EFNA5: variants seen among roughly 807,000 people sequenced by gnomAD.
EFNA5 encodes ephrin-A5.
EFNA5 carries 5 observed loss-of-function variants against 22.9 expected under a neutral mutation model. The observed-to-expected ratio is 0.22, with a 90% CI of 0.11 to 0.46. The LOEUF is 0.46. EFNA5 is among the 20% of genes least tolerant of loss of function. The pLI is 0.99. For missense variants in EFNA5, 237 were observed against 293.3 expected, an observed-to-expected ratio of 0.81 and a Z score of 1.40; for synonymous variants, 113 against 112.2, an observed-to-expected ratio of 1.01 and a Z score of -0.04.
rs547768574 is a variant in EFNA5 at position 107,669,771 on chromosome 5, A to G, written c.125+718T>C. ...GGCCAACTCTGGCAGCTTGTTCTGC[A>G]CACATGACGTAACCCGGCATTAGAT... On this transcript the variant is annotated intron_variant, in intron 1 of 4. Transcript: ENST00000333274. 5.3e-5 allele frequency among the ~76,000 whole-genome samples: 8 copies of G among 152,174 alleles called. No individual in the cohort carries two copies. The South Asian group carries it at 1.7e-3, about 32-fold the overall frequency.
chr5:107,515,262 C>G (rs1747452420), intron 1 of EFNA5, among the ~76,000 whole-genome samples: 1 of 150,734 alleles, frequency 6.6e-6, no homozygotes, highest in African/African-American at 2.4e-5. Context: ...GGTCTCAACT[C>G]CTGACGTCAA....
intron 1 of EFNA5, among the ~76,000 whole-genome samples, chr5:107,475,929 G>T (rs1750272754): frequency 6.7e-6 from 1 of 150,028 alleles, no homozygotes; most frequent in African/African-American, 2.5e-5. Context: ...TTTTACAAGA[G>T]TGAATTTCAA....
intron 1 of EFNA5, among the ~76,000 whole-genome samples, chr5:107,441,263 G>C (rs1749250311): frequency 6.6e-6 from 1 of 152,066 alleles, no homozygotes; most frequent in Non-Finnish European, 1.5e-5. Context: ...CTATAAACGT[G>C]ATTAGGGAAA....
chr5:107,455,137 T>A (rs1364682667), intron 1 of EFNA5, among the ~76,000 whole-genome samples: 1 of 152,168 alleles, frequency 6.6e-6, no homozygotes, highest in Non-Finnish European at 1.5e-5. Context: ...GCCTTACACA[T>A]CTGGTCCCTG....
At chr5:107,511,086 G>A (rs2112434087) in intron 1 of EFNA5, among the ~76,000 whole-genome samples, 1 of 149,176 alleles carries the variant, frequency 6.7e-6, no homozygotes, top group African/African-American at 2.5e-5. Flanking sequence ...GAGTGCAATG[G>A]CACGATCTTG....
At chr5:107,542,434 G>A (rs1387644150) in intron 1 of EFNA5, among the ~76,000 whole-genome samples, 2 of 152,072 alleles carry the variant, frequency 1.3e-5, no homozygotes, top group Admixed American at 6.6e-5. Flanking sequence ...TTCAGGGTCT[G>A]TTCTTTGAAA....
chr5:107,485,374 G>A (rs1746587658), intron 1 of EFNA5, among the ~76,000 whole-genome samples: 1 of 152,202 alleles, frequency 6.6e-6, no homozygotes, highest in Non-Finnish European at 1.5e-5. Context: ...TCAGGCAGAA[G>A]TGGAAGCCAG....
intron 1 of EFNA5, among the ~76,000 whole-genome samples, chr5:107,456,172 G>C (rs1422325696): frequency 6.6e-6 from 1 of 152,080 alleles, no homozygotes; most frequent in Non-Finnish European, 1.5e-5. Context: ...TGGGGTGGTG[G>C]CTTAGCTCCT....
rs541060089 is a variant in EFNA5 at position 107,569,880 on chromosome 5, T to A, written c.125+100609A>T. Among the ~76,000 whole-genome samples the A allele has an allele frequency of 4.8e-5, 7 of 145,948 alleles. No homozygotes were observed. In the East Asian group the frequency reaches 1.4e-3, roughly 29 times the overall value. ...AAACAAACAACACAAGAGGAAATGATCTTCTACAAAAGGACAGTGAACTAT... is the reference window on the plus strand; with the variant it reads ...AAACAAACAACACAAGAGGAAATGAACTTCTACAAAAGGACAGTGAACTAT... On this transcript the variant is annotated intron_variant, in intron 1 of 4. Coordinates refer to ENST00000333274, the MANE Select transcript of EFNA5 (RefSeq NM_001962.3).
At chr5:107,615,398 G>T (rs967328978) in intron 1 of EFNA5, among the ~76,000 whole-genome samples, 1 of 152,116 alleles carries the variant, frequency 6.6e-6, no homozygotes, top group Admixed American at 6.5e-5. Context: ...TTCAGGGGGA[G>T]GGGGGAGTGG....
intron 1 of EFNA5, among the ~76,000 whole-genome samples, chr5:107,606,400 C>T (rs1187218348): frequency 1.3e-5 from 2 of 152,112 alleles, no homozygotes; most frequent in African/African-American, 2.4e-5. Flanking sequence ...CATGAAGCCA[C>T]TTGATTCACA....
At chr5:107,625,048 G>A (rs1750115425) in intron 1 of EFNA5, among the ~76,000 whole-genome samples, 2 of 152,110 alleles carry the variant, frequency 1.3e-5, no homozygotes, top group South Asian at 4.1e-4. Context: ...AATTCAAAAT[G>A]TGAACATGTA....
chr5:107,500,690 T>C (rs1375488600), intron 1 of EFNA5, among the ~76,000 whole-genome samples: 1 of 152,020 alleles, frequency 6.6e-6, no homozygotes, highest in Admixed American at 6.6e-5. Flanking sequence ...GAAGCACATG[T>C]CCCTTAAAAA....
chr5:107,651,587 G>A (rs1484226180), intron 1 of EFNA5, among the ~76,000 whole-genome samples: 1 of 150,124 alleles, frequency 6.7e-6, no homozygotes, highest in Non-Finnish European at 1.5e-5. Flanking sequence ...ACAACTTGAT[G>A]TTTGCTTGGT....
chr5:107,520,359 C>T (rs1747569080), intron 1 of EFNA5, among the ~76,000 whole-genome samples: 1 of 152,098 alleles, frequency 6.6e-6, no homozygotes, highest in Non-Finnish European at 1.5e-5. Context: ...AGAAAGAATT[C>T]AAGAAACCAG....
chr5:107,633,048 T>C (rs1002056486), intron 1 of EFNA5, among the ~76,000 whole-genome samples: 11 of 152,202 alleles, frequency 7.2e-5, no homozygotes, highest in Admixed American at 5.9e-4. Context: ...TTCCAATAAA[T>C]GACACACAGA....
At chr5:107,412,624 G>A (rs955737021) in intron 2 of EFNA5, among the ~76,000 whole-genome samples, 1 of 152,114 alleles carries the variant, frequency 6.6e-6, no homozygotes, top group Non-Finnish European at 1.5e-5. Flanking sequence ...CACAAAACCT[G>A]CCAACAGACA....
At chr5:107,385,565 A>G (rs143971734) in intron 4 of EFNA5, among the ~76,000 whole-genome samples, 1 of 152,314 alleles carries the variant, frequency 6.6e-6, no homozygotes, top group East Asian at 1.9e-4. Flanking sequence ...GTAAGAGACC[A>G]CTACTTTGAT....
At chr5:107,545,441 G>A (rs1456672154) in intron 1 of EFNA5, among the ~76,000 whole-genome samples, 1 of 152,226 alleles carries the variant, frequency 6.6e-6, no homozygotes, top group Non-Finnish European at 1.5e-5. Flanking sequence ...GAAGCACAAT[G>A]AAAACACTGC....
Sources: gnomAD v4.1 joint callset for allele counts (sites outside exome capture counted in the v4.1 genomes callset) on GRCh38, gnomAD v4.1.1 for gene constraint, MANE v1.5 for transcripts, NCBI Gene and HGNC (gene_info 2026-07-23, HGNC 2026-07-21) for gene names.